The following OR5P3 variants were observed in gnomAD, a reference collection of about 807,000 sequenced individuals.
OR5P3 encodes the protein olfactory receptor 5P3.
For missense variants in OR5P3, 415 were observed against 375.6 expected (o/e 1.10, Z -0.87); for synonymous variants, 172 against 141.8 (o/e 1.21, Z -1.51).
At chr11:7,829,057 T>A (rs1242854897) in intron 1 of OR5P3, among the ~76,000 whole-genome samples, 1 of 152,164 alleles carries the variant, frequency 6.6e-6, no homozygotes, top group Non-Finnish European at 1.5e-5. Flanking sequence ...AATGTATGCT[T>A]CATCATAAAT....
intron 1 of OR5P3, among the ~76,000 whole-genome samples, chr11:7,826,641 A>C (rs1246201975): frequency 1.3e-5 from 2 of 152,208 alleles, no homozygotes; most frequent in Non-Finnish European, 2.9e-5. Flanking sequence ...ACAAGTAAAC[A>C]GAGGAAGACT....
At chr11:7,828,265 A>C (rs947134988) in intron 1 of OR5P3, among the ~76,000 whole-genome samples, 2 of 152,190 alleles carry the variant, frequency 1.3e-5, no homozygotes, top group Admixed American at 1.3e-4. Context: ...TGAGGACATA[A>C]GAAATTTTGT....
At chr11:7,828,380 A>C (rs1173861515) in intron 1 of OR5P3, among the ~76,000 whole-genome samples, 1 of 152,218 alleles carries the variant, frequency 6.6e-6, no homozygotes, top group Non-Finnish European at 1.5e-5. Flanking sequence ...ACTTGAAAAT[A>C]ACCTTTCTTA....
rs754613368 is a variant in OR5P3 at position 7,825,757 on chromosome 11, C to T, written c.216G>A (p.Gly72=). 1 of 1,613,076 alleles carries T rather than the reference C, an allele frequency of 6.2e-7. No homozygotes were observed. Among genetic ancestry groups the T allele is most frequent in the East Asian group, 2.2e-5 (1 of 44,884 alleles). ...TGACAGGTGTGACTGATGAGGAGTA[C>T]CCAATGTCTACAAAGGCCAAATGGC... ...FLCHLAFVDI[G]YSSSVTPVML... Residue 72 remains glycine (G), a synonymous_variant, in exon 2 of 2, where the codon GGG becomes GGA. Coordinates refer to ENST00000641167, the MANE Select transcript of OR5P3 (RefSeq NM_153445.2).
rs1391660594 is a variant in OR5P3 at position 7,825,216 on chromosome 11, C to T, written c.757G>A (p.Gly253Arg). 4 of 1,612,748 alleles carry T rather than the reference C, an allele frequency of 2.5e-6. No individual in the cohort carries two copies. Among genetic ancestry groups the T allele is most frequent in the Non-Finnish European group, 3.4e-6 (4 of 1,180,006 alleles). The part of the protein sequence containing the change: ...SHLTAVTLFY[G>R]TITFIYVMPK... ...ATCACATAAATGAAGGTAATGGTCC[C>T]ATAGAACAGAGTGACTGCAGTGAGG... is the stretch of plus-strand genomic sequence containing the variant. Residue 253 changes from glycine (G) to arginine (R), a missense_variant, in exon 2 of 2, where the codon GGG (glycine) becomes AGG (arginine). Coordinates refer to ENST00000641167, the MANE Select transcript of OR5P3 (RefSeq NM_153445.2).
rs201636343 is a variant in OR5P3 at position 7,825,646 on chromosome 11, C to A, written c.327G>T (p.Thr109=). The A allele has an allele frequency of 6.2e-7, 1 of 1,613,028 alleles. No homozygotes were observed. Among genetic ancestry groups the A allele is most frequent in the Admixed American group, 1.7e-5 (1 of 59,960 alleles). Reference sequence around the variant, plus strand: ...TGGCAGCCAGCAGGAAGCACTCGGCCGTACCAAACGTCACTACAGAACAGA... The same window carrying A: ...TGGCAGCCAGCAGGAAGCACTCGGCAGTACCAAACGTCACTACAGAACAGA... ...AQLCSVVTFG[T]AECFLLAAMA... Residue 109 remains threonine (T), a synonymous_variant, in exon 2 of 2, where the codon ACG becomes ACT. Coordinates refer to ENST00000641167, the MANE Select transcript of OR5P3 (RefSeq NM_153445.2).
At position 7,825,372 on chromosome 11, in the gene OR5P3, T is replaced by G. The variant is rs958813759; in HGVS notation, c.601A>C (p.Ile201Leu). The G allele has an allele frequency of 1.9e-6, 3 of 1,613,038 alleles. No homozygotes were observed. In the South Asian group the frequency reaches 3.3e-5, roughly 18 times the overall value. The change falls in exon 2 of 2, where the codon ATC (isoleucine) becomes CTC (leucine). Residue 201 changes from isoleucine (I) to leucine (L), a missense_variant. Transcript: ENST00000641167. ...GCCACAATGATAGATCCAGAAGAGA[T>G]AGCTGGAATTATTTCAAAAGTAAAA... ...HDFTFEIIPA[I>L]SSGSIIVATV...
Position 7,824,875 on chromosome 11 carries a change from A to T in OR5P3, c.*162T>A, listed in dbSNP as rs1163051558. 7 of 420,684 alleles carry T rather than the reference A, an allele frequency of 1.7e-5. No individual in the cohort carries two copies. The highest frequency in any genetic ancestry group is 2.9e-5 in the Non-Finnish European group (7 of 243,396). 26.1% of individuals were successfully genotyped at this position (420,684 alleles called of 1,614,324 possible). On this transcript the variant is annotated 3_prime_UTR_variant, in exon 2 of 2. Transcript: ENST00000641167. ...AAAGGTAAAGCAAGATGGACTTCTAATTTCCTATTCTATCTGAAAATCTTC... is the reference window on the plus strand; with the variant it reads ...AAAGGTAAAGCAAGATGGACTTCTATTTTCCTATTCTATCTGAAAATCTTC...
chr11:7,827,844 A>C (rs556754273), intron 1 of OR5P3, among the ~76,000 whole-genome samples: 2 of 152,324 alleles, frequency 1.3e-5, no homozygotes, highest in South Asian at 4.1e-4. Flanking sequence ...TAAGAAGCCA[A>C]AATGTTGAAA....
rs769727774 is a variant in OR5P3 at position 7,825,126 on chromosome 11, G to A, written c.847C>T (p.Pro283Ser). Reference sequence around the variant, plus strand: ...CTGTAGATCAGGGGGTTCAACATGGGAATCACCACGGTGTAGAACACAGAC... The same window carrying A: ...CTGTAGATCAGGGGGTTCAACATGGAAATCACCACGGTGTAGAACACAGAC... ...VVSVFYTVVIPMLNPLIYSLR... is the reference protein window; with the variant it reads ...VVSVFYTVVISMLNPLIYSLR... The change falls in exon 2 of 2, where the codon CCC becomes TCC. Residue 283 changes from proline to serine, a missense_variant. Pro to Ser is a moderately conservative substitution (Grantham distance 74). Transcript: ENST00000641167. 26 of 1,605,598 alleles carry A rather than the reference G, an allele frequency of 1.6e-5. No individual in the cohort carries two copies. The highest frequency in any genetic ancestry group is 2.1e-5 in the Non-Finnish European group (25 of 1,179,912).
intron 1 of OR5P3, among the ~76,000 whole-genome samples, chr11:7,830,454 G>A (rs1036082425): frequency 1.3e-5 from 2 of 152,126 alleles, no homozygotes; most frequent in African/African-American, 4.8e-5. Context: ...AAAGATAGAT[G>A]TGTATAATAG....
Position 7,825,467 on chromosome 11 carries a change from C to A in OR5P3, c.506G>T (p.Cys169Phe). 3 of 1,613,268 alleles carry A rather than the reference C, an allele frequency of 1.9e-6. No homozygotes were observed. Among genetic ancestry groups the A allele is most frequent in the Non-Finnish European group, 2.5e-6 (3 of 1,180,032 alleles). Residue 169 changes from cysteine to phenylalanine, a missense_variant, in exon 2 of 2, where the codon TGT becomes TTT. Physicochemically the swap from Cys to Phe is radical, Grantham distance 205. Transcript: ENST00000641167. ...AAAGTGATTGACTTTATTTGGCCCA[C>A]AGAAGGACAGTCTTAATAAGCAGCC... The part of the protein sequence containing the change: ...FIGCLLRLSF[C>F]GPNKVNHFFC...
In OR5P3 at chr11:7,824,980, T is replaced by A; in HGVS notation, c.*57A>T. The A allele has an allele frequency of 7.8e-7, 1 of 1,288,986 alleles. No homozygotes were observed. The highest frequency in any genetic ancestry group is 2.6e-5 in the East Asian group (1 of 38,836). 79.8% of individuals were successfully genotyped at this position (1,288,986 alleles called of 1,614,324 possible). ...TTTTGACCACAAACACTCGGTGTCT[T>A]ATTATTATTATATATAGAATATTAA... On this transcript the variant is annotated 3_prime_UTR_variant, in exon 2 of 2. Transcript: ENST00000641167.
intron 1 of OR5P3, among the ~76,000 whole-genome samples, chr11:7,829,428 G>A (rs980976283): frequency 1.3e-5 from 2 of 151,772 alleles, no homozygotes; most frequent in East Asian, 1.9e-4. Context: ...TTAGAAGTCT[G>A]AGGATACACA....
intron 1 of OR5P3, among the ~76,000 whole-genome samples, chr11:7,828,607 C>T (rs1857772815): frequency 6.6e-6 from 1 of 152,090 alleles, no homozygotes; most frequent in African/African-American, 2.4e-5. Context: ...ATCCCAGTAT[C>T]TCACCCAAGG....
intron 1 of OR5P3, among the ~76,000 whole-genome samples, chr11:7,827,697 T>C (rs1857760275): frequency 1.3e-5 from 2 of 152,162 alleles, no homozygotes; most frequent in South Asian, 4.1e-4. Flanking sequence ...ATGATGGTAG[T>C]TACAGTTTGG....
rs1857711950 is a variant in OR5P3, at chr11:7,824,936, T to C, written c.*101A>G. On this transcript the variant is annotated 3_prime_UTR_variant, in exon 2 of 2. Coordinates refer to ENST00000641167, the MANE Select transcript of OR5P3 (RefSeq NM_153445.2). ...GACTAAAAAGCTCCACACTGGGTAA[T>C]GGTCTATGGACAGATAAATTTTGAC... is the stretch of plus-strand genomic sequence containing the variant. 1 of 852,276 alleles carries C rather than the reference T, an allele frequency of 1.2e-6. No homozygotes were observed. The highest frequency in any genetic ancestry group is 3.3e-5 in the Admixed American group (1 of 30,154). The allele number at this position is 852,276 out of a possible 1,614,324, so 52.8% of individuals were successfully genotyped here.
Position 7,825,065 on chromosome 11 carries a change from C to T in OR5P3, c.908G>A (p.Arg303Lys). ...RNKEIKGALKRELRIKIFS is the reference protein window; with the variant it reads ...RNKEIKGALKKELRIKIFS Reference sequence around the variant, plus strand: ...AGAAAATATTTTTATTCTAAGCTCTCTCTTCAGAGCCCCCTTAATCTCCTT... The same window carrying T: ...AGAAAATATTTTTATTCTAAGCTCTTTCTTCAGAGCCCCCTTAATCTCCTT... The change falls in exon 2 of 2, where the codon AGA becomes AAA. Residue 303 changes from arginine to lysine, a missense_variant. By Grantham distance (26) the Arg-to-Lys change is conservative. Transcript: ENST00000641167. 1 of 1,614,008 alleles carries T rather than the reference C, an allele frequency of 6.2e-7. No individual in the cohort carries two copies. The highest frequency in any genetic ancestry group is 8.5e-7 in the Non-Finnish European group (1 of 1,180,000).
In OR5P3 at chr11:7,825,406, A is replaced by T; in HGVS notation, c.567T>A (p.Cys189Ter). 6.2e-7 allele frequency: 1 copy of T among 1,613,226 alleles called. No individual in the cohort carries two copies. Among genetic ancestry groups the T allele is most frequent in the Non-Finnish European group, 8.5e-7 (1 of 1,180,034 alleles). Residue 189 changes from cysteine to a stop codon, truncating the protein, a stop_gained, in exon 2 of 2, where the codon TGT (cysteine) becomes TGA (stop). Coordinates refer to ENST00000641167, the MANE Select transcript of OR5P3 (RefSeq NM_153445.2). LOFTEE classifies it low-confidence loss of function (END_TRUNC). The part of the protein sequence containing the change: ...CDYSPLLKLA[C>*]SHDFTFEIIP... ...TTATTTCAAAAGTAAAATCATGGGAACAAGCAAGCTTCAAAAGTGGTGAAT... is the reference window on the plus strand; with the variant it reads ...TTATTTCAAAAGTAAAATCATGGGATCAAGCAAGCTTCAAAAGTGGTGAAT...
Sources: gnomAD v4.1 joint callset for allele counts (sites outside exome capture counted in the v4.1 genomes callset) on GRCh38, gnomAD v4.1.1 for gene constraint, MANE v1.5 for transcripts, NCBI Gene and HGNC (gene_info 2026-07-23, HGNC 2026-07-21) for gene names.